Variants in PCDHA2 observed in about 807,000 individuals in gnomAD.
PCDHA2 encodes protocadherin alpha-2.
A neutral mutation model predicts 66.0 loss-of-function variants in PCDHA2; 58 were observed. That is an observed-to-expected ratio of 0.88 (90% CI 0.71 to 1.09). The LOEUF (loss-of-function observed/expected upper bound fraction) is 1.09. Among genes scored for constraint, PCDHA2 ranks in the 50% least tolerant of loss-of-function variants. The probability of loss-of-function intolerance (pLI) is 0.00; values close to 1 mark genes in which losing one functional copy is unlikely to be tolerated. For missense variants in PCDHA2, 1,267 were observed against 1,242.3 expected, an observed-to-expected ratio of 1.02 and a Z score of -0.30; for synonymous variants, 634 against 554.0, an observed-to-expected ratio of 1.14 and a Z score of -2.03.
chr5:140,968,994 G>A lies in PCDHA2; in HGVS notation c.2389-9955G>A. 6.2e-7 allele frequency: 1 copy of A among 1,614,216 alleles called. No individual in the cohort carries two copies. The highest frequency in any genetic ancestry group is 8.5e-7 in the Non-Finnish European group (1 of 1,180,038). On this transcript the variant is annotated intron_variant, in intron 1 of 3. Transcript: ENST00000526136. ...ACTGCGTATGGCACTGCATGCTGTG[G>A]AGGCTTCTGTGGAGTAAGGGAAAGG...
chr5:140,842,603 C>A (rs2150340320), intron 1 of PCDHA2: 3 of 1,548,222 alleles, frequency 1.9e-6, no homozygotes, highest in Non-Finnish European at 2.6e-6. Context: ...GGTAACCGCG[C>A]GGGACGGGGG....
intron 1 of PCDHA2, among the ~76,000 whole-genome samples, chr5:140,826,666 G>A (rs1554130619): frequency 6.6e-6 from 1 of 152,130 alleles, no homozygotes; most frequent in Non-Finnish European, 1.5e-5. Flanking sequence ...CAAGTAAATT[G>A]TAGACGTAAT....
intron 1 of PCDHA2, chr5:140,862,516 G>T: frequency 2.4e-6 from 1 of 409,748 alleles, no homozygotes; most frequent in South Asian, 1.9e-5. Flanking sequence ...CGCTTTCATT[G>T]TTGGCCACAG....
At chr5:140,904,440 A>G (rs1455600144) in intron 1 of PCDHA2, among the ~76,000 whole-genome samples, 1 of 151,204 alleles carries the variant, frequency 6.6e-6, no homozygotes, top group Non-Finnish European at 1.5e-5. Flanking sequence ...TATGTATATT[A>G]CAATTTCTTT....
chr5:140,857,662 T>A (rs782577621), intron 1 of PCDHA2: 2 of 1,596,528 alleles, frequency 1.3e-6, no homozygotes, highest in Non-Finnish European at 1.7e-6. Flanking sequence ...GCGCGCGCGA[T>A]GGGGGCGTGC....
chr5:140,877,902 C>T (rs2153356896), intron 1 of PCDHA2: 1 of 1,438,302 alleles, frequency 7.0e-7, no homozygotes, highest in Middle Eastern at 2.3e-4. Flanking sequence ...TAGGTTATAA[C>T]TACATTCTCT....
intron 1 of PCDHA2, chr5:140,865,219 G>C (rs2048775576): frequency 6.6e-6 from 1 of 152,062 alleles, no homozygotes; most frequent in Admixed American, 6.5e-5. Context: ...TTTCTTTAAA[G>C]GGATCCCAGA....
At chr5:140,984,783 G>A (rs2097120793) in intron 3 of PCDHA2, among the ~76,000 whole-genome samples, 1 of 152,152 alleles carries the variant, frequency 6.6e-6, no homozygotes, top group African/African-American at 2.4e-5. Flanking sequence ...CTTGCTGGGT[G>A]AGCATAGACA....
chr5:140,802,089 G>A (rs978364846), intron 1 of PCDHA2: 7 of 1,614,086 alleles, frequency 4.3e-6, no homozygotes, highest in Non-Finnish European at 5.9e-6. Context: ...TTTAGATCCA[G>A]TCAATGGACA....
intron 1 of PCDHA2, chr5:140,883,514 G>A: frequency 6.2e-7 from 1 of 1,614,220 alleles, no homozygotes; most frequent in Non-Finnish European, 8.5e-7. Context: ...CCTGGACCGC[G>A]AGAGCGTATC....
chr5:140,942,679 G>C (rs549826522), intron 1 of PCDHA2, among the ~76,000 whole-genome samples: 1 of 152,020 alleles, frequency 6.6e-6, no homozygotes, highest in African/African-American at 2.4e-5. Context: ...AAAGTTTTAG[G>C]AATAACTTTA....
At chr5:140,827,343 TGAAAA>T (rs1769258641) in intron 1 of PCDHA2, among the ~76,000 whole-genome samples, 1 of 152,128 alleles carries the variant, frequency 6.6e-6, no homozygotes, top group South Asian at 2.1e-4. Context: ...GTGAAGTATA[TGAAAA>T]GAAAATATTT....
intron 1 of PCDHA2, among the ~76,000 whole-genome samples, chr5:140,874,815 A>T (rs2055116009): frequency 6.6e-6 from 1 of 152,262 alleles, no homozygotes; most frequent in Non-Finnish European, 1.5e-5. Context: ...AAGACAATTT[A>T]TATAAATGAA....
At chr5:140,870,870 G>T in intron 1 of PCDHA2, 1 of 1,613,948 alleles carries the variant, frequency 6.2e-7, no homozygotes, top group African/African-American at 1.3e-5. Flanking sequence ...CGGGCCACGT[G>T]GTGGCGAAGG....
At chr5:140,808,768 G>A (rs561061447) in intron 1 of PCDHA2, 81,266 of 1,612,160 alleles carry the variant, frequency 0.05, 2,408 homozygotes, top group Middle Eastern at 0.074. Context: ...ACCACGAGGA[G>A]CTAGAGCTGC....
At chr5:140,994,387 C>G (rs192635308) in intron 3 of PCDHA2, among the ~76,000 whole-genome samples, 1 of 152,174 alleles carries the variant, frequency 6.6e-6, no homozygotes, top group South Asian at 2.1e-4. Context: ...GGGACTAAGT[C>G]AGAGATTATT....
intron 1 of PCDHA2, among the ~76,000 whole-genome samples, chr5:140,918,164 G>T (rs1156404209): frequency 6.6e-6 from 1 of 152,088 alleles, no homozygotes; most frequent in East Asian, 1.9e-4. Context: ...TATTGTAAAT[G>T]GCATTGTGTT....
intron 1 of PCDHA2, chr5:140,927,348 C>T (rs2153588187): frequency 1.2e-6 from 2 of 1,613,982 alleles, no homozygotes; most frequent in South Asian, 1.1e-5. Flanking sequence ...AAGATGACGA[C>T]GAGGGAAGCA....
chr5:140,985,111 G>A (rs1252708098), intron 3 of PCDHA2, among the ~76,000 whole-genome samples: 2 of 151,892 alleles, frequency 1.3e-5, no homozygotes, highest in African/African-American at 2.4e-5. Context: ...CTAATTTTTT[G>A]TGTTTTTAGT....
Sources: allele counts gnomAD v4.1 joint callset (sites outside exome capture counted in the v4.1 genomes callset), GRCh38; gene constraint gnomAD v4.1.1; transcripts MANE v1.5; gene names NCBI Gene and HGNC (gene_info 2026-07-23, HGNC 2026-07-21).